METTL13: variants seen among roughly 807,000 people sequenced by gnomAD.
The protein encoded by METTL13 is methyltransferase 13, eEF1A N-terminus and K55, also known as eEF1A lysine and N-terminal methyltransferase.
A neutral mutation model predicts 67.4 loss-of-function variants in METTL13; 52 were observed. The ratio of observed to expected loss-of-function variants is 0.77; its 90% CI spans 0.62 to 0.97. The LOEUF is 0.97. Among genes scored for constraint, METTL13 ranks in the 50% least tolerant of loss-of-function variants. METTL13 has a pLI of 0.00. For missense variants in METTL13, 825 were observed against 889.6 expected (o/e 0.93, Z 0.92); for synonymous variants, 354 against 353.6 (o/e 1.00, Z -0.01).
intron 3 of METTL13, 97 bp from the exon 4 acceptor site, chr1:171,787,638 G>T: frequency 2.7e-6 from 3 of 1,115,286 alleles, no homozygotes; most frequent in Non-Finnish European, 2.6e-6. Context: ...TAGAACCGTG[G>T]TATGGGGATA....
rs1318250180 is a variant in METTL13 at position 171,783,017 on chromosome 1, A to G, written c.154-723A>G. 4.0e-5 allele frequency among the ~76,000 whole-genome samples: 6 copies of G among 150,678 alleles called. No homozygotes were observed. The East Asian group carries it at 1.2e-3, about 29-fold the overall frequency. ...TCATCATAAATTCAGGTGAGTGGCC[A>G]TGCATACATTTTACAGATGAGGAAA... On this transcript the variant is annotated intron_variant, in intron 1 of 7. Coordinates refer to ENST00000361735, the MANE Select transcript of METTL13 (RefSeq NM_015935.5).
chr1:171,797,593 C>G lies in METTL13; in HGVS notation c.*837C>G, dbSNP rs1205399321. On this transcript the variant is annotated 3_prime_UTR_variant, in exon 8 of 8. Coordinates refer to ENST00000361735, the MANE Select transcript of METTL13 (RefSeq NM_015935.5). Reference sequence around the variant, plus strand: ...CATTCTTCTAAGTGGTTTACATGCACTGTCTCATTTAATCTGAGATAAAGG... The same window carrying G: ...CATTCTTCTAAGTGGTTTACATGCAGTGTCTCATTTAATCTGAGATAAAGG... 1 of 152,226 alleles carries G rather than the reference C, an allele frequency of 6.6e-6. No individual in the cohort carries two copies. Among genetic ancestry groups the G allele is most frequent in the South Asian group, 2.1e-4 (1 of 4,828 alleles). The allele number at this position is 152,226 out of a possible 1,614,324, so 9.4% of individuals were successfully genotyped here. A position where few individuals can be genotyped will look rare whatever the true frequency, so the allele number is the denominator to read the frequency against.
At position 171,792,238 on chromosome 1, in the gene METTL13, A is replaced by G; in HGVS notation, c.1693+3A>G. On this transcript the variant is annotated splice_donor_region_variant and intron_variant, in intron 6 of 7. Transcript: ENST00000361735. The stretch of plus-strand genomic sequence containing the variant: ...CAGCTTGGCAGGAGGAGGAGAAGGT[A>G]CTGCTCTTGGAGCATTTGAAGGGGT... The G allele has an allele frequency of 6.2e-7, 1 of 1,614,122 alleles. No individual in the cohort carries two copies. Among genetic ancestry groups the G allele is most frequent in the East Asian group, 2.2e-5 (1 of 44,890 alleles).
In METTL13 at chr1:171,787,898, A is replaced by C. The variant is rs749526856; in HGVS notation, c.1277A>C (p.Glu426Ala). Residue 426 changes from glutamate (E) to alanine (A), a missense_variant, in exon 4 of 8, where the codon GAA becomes GCA. Transcript: ENST00000361735. ...AGCAACAGGAATGTGGTGCAGTCCGAAGCCAGGTTGCTGAAGGATGTGTCT... is the reference window on the plus strand; with the variant it reads ...AGCAACAGGAATGTGGTGCAGTCCGCAGCCAGGTTGCTGAAGGATGTGTCT... The part of the protein sequence containing the change: ...FLSNRNVVQS[E>A]ARLLKDVSHK... 1 of 1,613,916 alleles carries C rather than the reference A, an allele frequency of 6.2e-7. No homozygotes were observed. Among genetic ancestry groups the C allele is most frequent in the Admixed American group, 1.7e-5 (1 of 60,018 alleles).
chr1:171,789,070 T>C (rs1254123493), intron 4 of METTL13, among the ~76,000 whole-genome samples: 1 of 152,232 alleles, frequency 6.6e-6, no homozygotes, highest in Admixed American at 6.5e-5. Flanking sequence ...GTAAAATTGC[T>C]TAAAAGAACA....
Position 171,790,489 on chromosome 1 carries a change from G to A in METTL13, c.1347G>A (p.Arg449=). The change falls in exon 5 of 8, where the codon CGG becomes CGA. Residue 449 remains arginine, a synonymous_variant. Transcript: ENST00000361735. ...KKRKKDRKKQ[R]PADAEDLPAA... ...GGAAAAAGGACAGGAAGAAGCAGCG[G>A]CCTGCTGATGCGGAGGACCTCCCTG... 6.2e-7 allele frequency: 1 copy of A among 1,608,734 alleles called. No homozygotes were observed. The highest frequency in any genetic ancestry group is 1.1e-5 in the South Asian group (1 of 90,286).
chr1:171,781,934 G>C lies in METTL13; in HGVS notation c.-34G>C. On this transcript the variant is annotated 5_prime_UTR_variant, in exon 1 of 8. Transcript: ENST00000361735. ...CAAATGGTATCTCACAGGGAATAGG[G>C]GAGTCTTGAAAACGCAGCTTCGGCA... is the stretch of plus-strand genomic sequence containing the variant. 6.2e-7 allele frequency: 1 copy of C among 1,612,926 alleles called. No homozygotes were observed. Among genetic ancestry groups the C allele is most frequent in the Non-Finnish European group, 8.5e-7 (1 of 1,179,320 alleles).
In METTL13 at chr1:171,781,870, T is replaced by G. The variant is rs1038033373; in HGVS notation, c.-98T>G. 74 of 1,548,566 alleles carry G rather than the reference T, an allele frequency of 4.8e-5. No homozygotes were observed. The highest frequency in any genetic ancestry group is 6.4e-5 in the Non-Finnish European group (73 of 1,148,048). On this transcript the variant is annotated 5_prime_UTR_variant, in exon 1 of 8. Transcript: ENST00000361735. ...GTTTTTCCGTGGAAAGAATTCCCAC[T>G]GCAGTGTCCCGGAGCCTGCGTGTGG...
At chr1:171,784,589 G>C in intron 2 of METTL13, 90 bp downstream of exon 2, 1 of 1,382,244 alleles carries the variant, frequency 7.2e-7, no homozygotes. Context: ...GCTGGGCTGG[G>C]GCTTTGGTGG....
chr1:171,791,322 G>A (rs1262676659), intron 5 of METTL13, among the ~76,000 whole-genome samples: 4 of 152,190 alleles, frequency 2.6e-5, no homozygotes, highest in Non-Finnish European at 5.9e-5. Flanking sequence ...GAACTTGAAT[G>A]GCTTACCCTT....
chr1:171,786,359 C>A (rs1380998352), intron 3 of METTL13, among the ~76,000 whole-genome samples: 1 of 152,146 alleles, frequency 6.6e-6, no homozygotes, highest in Non-Finnish European at 1.5e-5. Flanking sequence ...TCAGTTCTTC[C>A]TAATTTGAGT....
intron 2 of METTL13, among the ~76,000 whole-genome samples, 193 bp downstream of exon 2, chr1:171,784,692 C>T (rs979493227): frequency 3.3e-5 from 5 of 152,182 alleles, no homozygotes; most frequent in African/African-American, 1.2e-4. Context: ...AGCTCTCTAG[C>T]AACCTACTTG....
chr1:171,792,203 A>G lies in METTL13; in HGVS notation c.1661A>G (p.Asp554Gly). The G allele has an allele frequency of 6.2e-7, 1 of 1,614,194 alleles. No individual in the cohort carries two copies. Among genetic ancestry groups the G allele is most frequent in the Non-Finnish European group, 8.5e-7 (1 of 1,180,034 alleles). The change falls in exon 6 of 8, where the codon GAC becomes GGC. Residue 554 changes from aspartate (D) to glycine (G), a missense_variant. Physicochemically the swap from Asp to Gly is moderately conservative, Grantham distance 94 (BLOSUM62 -1). Coordinates refer to ENST00000361735, the MANE Select transcript of METTL13 (RefSeq NM_015935.5). ...RMKVHIADGL[D>G]YIASLAGGGE... ...AAGGTCCACATTGCAGATGGCCTGG[A>G]CTATATCGCCAGCTTGGCAGGAGGA...
chr1:171,783,207 G>A (rs918932411), intron 1 of METTL13, among the ~76,000 whole-genome samples: 3 of 152,120 alleles, frequency 2.0e-5, no homozygotes, highest in African/African-American at 7.2e-5. Flanking sequence ...AGTTTGAATG[G>A]GAGATTGCTC....
intron 5 of METTL13, among the ~76,000 whole-genome samples, chr1:171,791,672 C>G (rs1053756629): frequency 2.6e-5 from 4 of 152,122 alleles, no homozygotes; most frequent in Non-Finnish European, 5.9e-5. Context: ...CCATGTTGCC[C>G]AGGCTGGTCT....
intron 3 of METTL13, among the ~76,000 whole-genome samples, chr1:171,786,834 G>T (rs1446316580): frequency 6.7e-6 from 1 of 148,768 alleles, no homozygotes; most frequent in Non-Finnish European, 1.5e-5. Flanking sequence ...TACCTGGCTA[G>T]TTTTTTTTTT....
Position 171,784,192 on chromosome 1 carries a change from G to C in METTL13, c.606G>C (p.Leu202Phe). 6.2e-7 allele frequency: 1 copy of C among 1,614,132 alleles called. No homozygotes were observed. The highest frequency in any genetic ancestry group is 8.5e-7 in the Non-Finnish European group (1 of 1,180,054). Reference sequence around the variant, plus strand: ...TGGAAGCAGAGCCTCAGTTCTCCTTGCCTGTCTTTGCCTTCATCATGACCA... The same window carrying C: ...TGGAAGCAGAGCCTCAGTTCTCCTTCCCTGTCTTTGCCTTCATCATGACCA... Reference protein sequence around the residue: ...QVLEAEPQFSLPVFAFIMTKF... With the variant: ...QVLEAEPQFSFPVFAFIMTKF... Residue 202 changes from leucine to phenylalanine, a missense_variant, in exon 2 of 8, where the codon TTG becomes TTC. By Grantham distance (22) the Leu-to-Phe change is conservative (BLOSUM62 0). Coordinates refer to ENST00000361735, the MANE Select transcript of METTL13 (RefSeq NM_015935.5).
At chr1:171,784,596 G>A (rs1459827299) in intron 2 of METTL13, 97 bp downstream of exon 2, 3 of 1,371,690 alleles carry the variant, frequency 2.2e-6, no homozygotes, top group Admixed American at 3.4e-5. Flanking sequence ...TGGGGCTTTG[G>A]TGGGATTCTG....
At chr1:171,794,271 C>A in intron 6 of METTL13, 125 bp from the exon 7 acceptor site, 1 of 1,399,596 alleles carries the variant, frequency 7.1e-7, no homozygotes, top group Non-Finnish European at 9.8e-7. Flanking sequence ...AAACCACATC[C>A]TCTGTGTCAT....
Sources: allele counts gnomAD v4.1 joint callset (sites outside exome capture counted in the v4.1 genomes callset), GRCh38; gene constraint gnomAD v4.1.1; transcripts MANE v1.5; gene names NCBI Gene and HGNC (gene_info 2026-07-23, HGNC 2026-07-21).